The following PABIR1 variants were observed in gnomAD, a reference collection of about 807,000 sequenced individuals.
The protein encoded by PABIR1 is PP2A Aalpha (PPP2R1A) and B55A (PPP2R2A) interacting phosphatase regulator 1.
Under a neutral mutation model 14.6 loss-of-function variants are expected in PABIR1, and 2 were observed. That is an observed-to-expected ratio of 0.14 (90% confidence interval 0.06 to 0.43). The LOEUF (loss-of-function observed/expected upper bound fraction) is 0.43. PABIR1 is among the 20% of genes least tolerant of loss of function. PABIR1 has a pLI of 0.99. For missense variants in PABIR1, 294 were observed against 379.0 expected (o/e 0.78, Z 1.86); for synonymous variants, 163 against 155.4 (o/e 1.05, Z -0.36).
At position 68,780,882 on chromosome 9, in the gene PABIR1, T is replaced by C. The variant is rs1831226733; in HGVS notation, c.718T>C (p.Ser240Pro). ...GCTGTCAGATCCTGGTGTGTGTGTATCTTCGGATACCCTTGATGGAAACAG... is the reference window on the plus strand; with the variant it reads ...GCTGTCAGATCCTGGTGTGTGTGTACCTTCGGATACCCTTGATGGAAACAG... ...AQLSDPGVCV[S>P]SDTLDGNSSS... Residue 240 changes from serine (S) to proline (P), a missense_variant, in exon 1 of 1, where the codon TCT (serine) becomes CCT (proline). By Grantham distance (74) the Ser-to-Pro change is moderately conservative. This residue lies in a region of PABIR1 where 95 missense variants were observed against 100.8 expected (regional missense o/e 0.94). Transcript: ENST00000394264. 2 of 1,614,248 alleles carry C rather than the reference T, an allele frequency of 1.2e-6. No individual in the cohort carries two copies. The highest frequency in any genetic ancestry group is 4.5e-5 in the East Asian group (2 of 44,884).
In PABIR1 at chr9:68,781,069, G is replaced by T; in HGVS notation, c.*41G>T. 1.3e-6 allele frequency: 2 copies of T among 1,573,654 alleles called. No homozygotes were observed. Among genetic ancestry groups the T allele is most frequent in the South Asian group, 1.2e-5 (1 of 84,584 alleles). On this transcript the variant is annotated 3_prime_UTR_variant, in exon 1 of 1. Transcript: ENST00000394264. The stretch of plus-strand genomic sequence containing the variant: ...ACTTTCTTTTTGCAGTGGAGAGAGA[G>T]AATAATCTAGTTGGGGCAAACACTG...
rs1831302557 is a variant in PABIR1, at chr9:68,781,826, C to G, written c.*798C>G. 1 of 166,676 alleles carries G rather than the reference C, an allele frequency of 6.0e-6. No individual in the cohort carries two copies. The highest frequency in any genetic ancestry group is 2.4e-5 in the African/African-American group (1 of 41,296). 10.3% of individuals were successfully genotyped at this position (166,676 alleles called of 1,614,324 possible). On this transcript the variant is annotated 3_prime_UTR_variant, in exon 1 of 1. Coordinates refer to ENST00000394264, the MANE Select transcript of PABIR1 (RefSeq NM_138333.5). ...GGGACAGTGCCTTGCAGTCTTTGCCCACTATACATAGGCTAAGGCTAAGCT... is the reference window on the plus strand; with the variant it reads ...GGGACAGTGCCTTGCAGTCTTTGCCGACTATACATAGGCTAAGGCTAAGCT...
chr9:68,780,099 T>A lies in PABIR1; in HGVS notation c.-66T>A. On this transcript the variant is annotated 5_prime_UTR_variant, in exon 1 of 1. Coordinates refer to ENST00000394264, the MANE Select transcript of PABIR1 (RefSeq NM_138333.5). ...GTGGCGGCGGCAGCGGCGGCGGCCCTGGACTGCGGGGAATGGGAATCCTAG... is the reference window on the plus strand; with the variant it reads ...GTGGCGGCGGCAGCGGCGGCGGCCCAGGACTGCGGGGAATGGGAATCCTAG... 1 of 1,463,068 alleles carries A rather than the reference T, an allele frequency of 6.8e-7. No individual in the cohort carries two copies. Among genetic ancestry groups the A allele is most frequent in the Non-Finnish European group, 9.0e-7 (1 of 1,112,368 alleles). The allele number at this position is 1,463,068 out of a possible 1,614,324, so 90.6% of individuals were successfully genotyped here. A position where few individuals can be genotyped will look rare whatever the true frequency, so the allele number is the denominator to read the frequency against.
At position 68,783,739 on chromosome 9, in the gene PABIR1, C is replaced by T. The variant is rs904800073; in HGVS notation, c.*2711C>T. 1.8e-4 allele frequency: 30 copies of T among 167,086 alleles called. No individual in the cohort carries two copies. The highest frequency in any genetic ancestry group is 8.5e-4 in the Admixed American group (13 of 15,294). The allele number at this position is 167,086 out of a possible 1,614,324, so 10.4% of individuals were successfully genotyped here. On this transcript the variant is annotated 3_prime_UTR_variant, in exon 1 of 1. Coordinates refer to ENST00000394264, the MANE Select transcript of PABIR1 (RefSeq NM_138333.5). ...TCTGATCCAGGCTACCAGCATTTCC[C>T]TCTTAGGCTTCTGAAGCAACTTCCT...
At position 68,780,072 on chromosome 9, in the gene PABIR1, C is replaced by G; in HGVS notation, c.-93C>G. The G allele has an allele frequency of 2.8e-6, 4 of 1,424,206 alleles. No homozygotes were observed. Among genetic ancestry groups the G allele is most frequent in the South Asian group, 1.6e-5 (1 of 61,880 alleles). 88.2% of individuals were successfully genotyped at this position (1,424,206 alleles called of 1,614,324 possible). ...AGGGGCCAGCCCGCTGACAGATTCTCGGTGGCGGCGGCAGCGGCGGCGGCC... is the reference window on the plus strand; with the variant it reads ...AGGGGCCAGCCCGCTGACAGATTCTGGGTGGCGGCGGCAGCGGCGGCGGCC... On this transcript the variant is annotated 5_prime_UTR_variant, in exon 1 of 1. Transcript: ENST00000394264.
In PABIR1 at chr9:68,782,440, T is replaced by C. The variant is rs1395706432; in HGVS notation, c.*1412T>C. ...AATTTTTTTATATTATGCATCCTTA[T>C]ACCTCACATATCTTCCTTAACTAGA... On this transcript the variant is annotated 3_prime_UTR_variant, in exon 1 of 1. Transcript: ENST00000394264. 1 of 166,956 alleles carries C rather than the reference T, an allele frequency of 6.0e-6. No individual in the cohort carries two copies. Among genetic ancestry groups the C allele is most frequent in the East Asian group, 1.9e-4 (1 of 5,206 alleles). 10.3% of individuals were successfully genotyped at this position (166,956 alleles called of 1,614,324 possible).
At position 68,780,987 on chromosome 9, in the gene PABIR1, G is replaced by A; in HGVS notation, c.823G>A (p.Ala275Thr). 4 of 1,614,102 alleles carry A rather than the reference G, an allele frequency of 2.5e-6. No individual in the cohort carries two copies. Among genetic ancestry groups the A allele is most frequent in the Non-Finnish European group, 3.4e-6 (4 of 1,179,978 alleles). Residue 275 changes from alanine to threonine, a missense_variant, in exon 1 of 1, where the codon GCT becomes ACT. Ala to Thr is a moderately conservative substitution (Grantham distance 58). This residue lies in a region of PABIR1 where 95 missense variants were observed against 100.8 expected (regional missense o/e 0.94). Transcript: ENST00000394264. Reference sequence around the variant, plus strand: ...CTCTCCTGTGTCACCTGCCCAAGCGGCTTCTCCATTTATTCCACTAGATGA... The same window carrying A: ...CTCTCCTGTGTCACCTGCCCAAGCGACTTCTCCATTTATTCCACTAGATGA... ...TDSPVSPAQA[A>T]SPFIPLDELS...
rs1203279311 is a variant in PABIR1, at chr9:68,783,075, A to G, written c.*2047A>G. ...CCTGTCTTCTGTCTCCTTTTGGTTC[A>G]GTCTTTATACTGCCTCTTGAGTAAT... On this transcript the variant is annotated 3_prime_UTR_variant, in exon 1 of 1. Coordinates refer to ENST00000394264, the MANE Select transcript of PABIR1 (RefSeq NM_138333.5). The G allele has an allele frequency of 6.0e-6, 1 of 166,976 alleles. No homozygotes were observed. The highest frequency in any genetic ancestry group is 1.5e-5 in the Non-Finnish European group (1 of 68,116). 10.3% of individuals were successfully genotyped at this position (166,976 alleles called of 1,614,324 possible).
rs1224010990 is a variant in PABIR1 at position 68,780,185 on chromosome 9, G to A, written c.21G>A (p.Glu7=). 2 of 1,533,128 alleles carry A rather than the reference G, an allele frequency of 1.3e-6. No individual in the cohort carries two copies. The highest frequency in any genetic ancestry group is 8.7e-7 in the Non-Finnish European group (1 of 1,146,916). 95.0% of individuals were successfully genotyped at this position (1,533,128 alleles called of 1,614,324 possible). Residue 7 remains glutamate, a synonymous_variant, in exon 1 of 1, where the codon GAG becomes GAA. Transcript: ENST00000394264. The stretch of plus-strand genomic sequence containing the variant: ...CCGACATGGCTCAGGAGAAGATGGA[G>A]CTAGACCTGGAGCTGCCTCCGGGTA... MAQEKM[E]LDLELPPGTG...
rs1257808888 is a variant in PABIR1, at chr9:68,780,170, T to C, written c.6T>C (p.Ala2=). The C allele has an allele frequency of 6.6e-7, 1 of 1,519,804 alleles. No individual in the cohort carries two copies. The highest frequency in any genetic ancestry group is 1.3e-5 in the South Asian group (1 of 75,422). 94.1% of individuals were successfully genotyped at this position (1,519,804 alleles called of 1,614,324 possible). A position where few individuals can be genotyped will look rare whatever the true frequency, so the allele number is the denominator to read the frequency against. ...CCCGCCTCCCTGCCCCCGACATGGCTCAGGAGAAGATGGAGCTAGACCTGG... is the reference window on the plus strand; with the variant it reads ...CCCGCCTCCCTGCCCCCGACATGGCCCAGGAGAAGATGGAGCTAGACCTGG... M[A]QEKMELDLEL... Residue 2 remains alanine, a synonymous_variant, in exon 1 of 1, where the codon GCT becomes GCC. Transcript: ENST00000394264.
Position 68,784,682 on chromosome 9 carries a change from G to A in PABIR1, c.*3654G>A, listed in dbSNP as rs1162660203. ...ACAATTTTGAAGATCTAACAGAGGT[G>A]GGAGTCAGGGGAATGGTTGCCAGAC... On this transcript the variant is annotated 3_prime_UTR_variant, in exon 1 of 1. Transcript: ENST00000394264. The A allele has an allele frequency of 6.1e-6, 1 of 162,992 alleles. No individual in the cohort carries two copies. Among genetic ancestry groups the A allele is most frequent in the African/African-American group, 2.4e-5 (1 of 41,428 alleles). The allele number at this position is 162,992 out of a possible 1,614,324, so 10.1% of individuals were successfully genotyped here.
Position 68,781,829 on chromosome 9 carries a change from T to C in PABIR1, c.*801T>C, listed in dbSNP as rs1373178645. ...ACAGTGCCTTGCAGTCTTTGCCCACTATACATAGGCTAAGGCTAAGCTCTT... is the reference window on the plus strand; with the variant it reads ...ACAGTGCCTTGCAGTCTTTGCCCACCATACATAGGCTAAGGCTAAGCTCTT... On this transcript the variant is annotated 3_prime_UTR_variant, in exon 1 of 1. Transcript: ENST00000394264. 1 of 167,028 alleles carries C rather than the reference T, an allele frequency of 6.0e-6. No homozygotes were observed. Among genetic ancestry groups the C allele is most frequent in the African/African-American group, 2.4e-5 (1 of 41,432 alleles). The allele number at this position is 167,028 out of a possible 1,614,324, so 10.3% of individuals were successfully genotyped here.
chr9:68,781,530 T>A lies in PABIR1; in HGVS notation c.*502T>A, dbSNP rs1831277853. The A allele has an allele frequency of 6.0e-6, 1 of 167,180 alleles. No homozygotes were observed. The highest frequency in any genetic ancestry group is 2.4e-5 in the African/African-American group (1 of 41,454). 10.4% of individuals were successfully genotyped at this position (167,180 alleles called of 1,614,324 possible). ...TAGTTATATCTATCTAGTGGTTGTC[T>A]GTTTTACCCAGGAATTCTTGGATAT... is the stretch of plus-strand genomic sequence containing the variant. On this transcript the variant is annotated 3_prime_UTR_variant, in exon 1 of 1. Transcript: ENST00000394264.
Position 68,780,175 on chromosome 9 carries a change from A to G in PABIR1, c.11A>G (p.Glu4Gly). The change falls in exon 1 of 1, where the codon GAG becomes GGG. Residue 4 changes from glutamate (E) to glycine (G), a missense_variant. Glu to Gly is a moderately conservative substitution (Grantham distance 98, BLOSUM62 -2). Transcript: ENST00000394264. MAQ[E>G]KMELDLELPP... ...CTCCCTGCCCCCGACATGGCTCAGGAGAAGATGGAGCTAGACCTGGAGCTG... is the reference window on the plus strand; with the variant it reads ...CTCCCTGCCCCCGACATGGCTCAGGGGAAGATGGAGCTAGACCTGGAGCTG... 6.6e-7 allele frequency: 1 copy of G among 1,524,382 alleles called. No individual in the cohort carries two copies. Among genetic ancestry groups the G allele is most frequent in the Non-Finnish European group, 8.8e-7 (1 of 1,142,084 alleles). 94.4% of individuals were successfully genotyped at this position (1,524,382 alleles called of 1,614,324 possible). A position where few individuals can be genotyped will look rare whatever the true frequency, so the allele number is the denominator to read the frequency against.
chr9:68,780,107 G>A lies in PABIR1; in HGVS notation c.-58G>A, dbSNP rs1831161691. 1 of 1,477,264 alleles carries A rather than the reference G, an allele frequency of 6.8e-7. No individual in the cohort carries two copies. The highest frequency in any genetic ancestry group is 8.9e-7 in the Non-Finnish European group (1 of 1,119,690). 91.5% of individuals were successfully genotyped at this position (1,477,264 alleles called of 1,614,324 possible). A position where few individuals can be genotyped will look rare whatever the true frequency, so the allele number is the denominator to read the frequency against. ...GGCAGCGGCGGCGGCCCTGGACTGCGGGGAATGGGAATCCTAGGTCCCTGA... is the reference window on the plus strand; with the variant it reads ...GGCAGCGGCGGCGGCCCTGGACTGCAGGGAATGGGAATCCTAGGTCCCTGA... On this transcript the variant is annotated 5_prime_UTR_variant, in exon 1 of 1. Coordinates refer to ENST00000394264, the MANE Select transcript of PABIR1 (RefSeq NM_138333.5).
rs545242190 is a variant in PABIR1, at chr9:68,782,294, A to G, written c.*1266A>G. On this transcript the variant is annotated 3_prime_UTR_variant, in exon 1 of 1. Coordinates refer to ENST00000394264, the MANE Select transcript of PABIR1 (RefSeq NM_138333.5). ...AAGGGGTGATGATTTGCAAGAGAAAATTAGTGGAGAGTCACATAGGTAAAT... is the reference window on the plus strand; with the variant it reads ...AAGGGGTGATGATTTGCAAGAGAAAGTTAGTGGAGAGTCACATAGGTAAAT... 6 of 167,230 alleles carry G rather than the reference A, an allele frequency of 3.6e-5. No homozygotes were observed. The East Asian group carries it at 1.2e-3, about 32-fold the overall frequency. The allele number at this position is 167,230 out of a possible 1,614,324, so 10.4% of individuals were successfully genotyped here.
rs531450383 is a variant in PABIR1 at position 68,783,325 on chromosome 9, T to C, written c.*2297T>C. 11 of 167,004 alleles carry C rather than the reference T, an allele frequency of 6.6e-5. No homozygotes were observed. The East Asian group carries it at 2.1e-3, about 32-fold the overall frequency. 10.3% of individuals were successfully genotyped at this position (167,004 alleles called of 1,614,324 possible). On this transcript the variant is annotated 3_prime_UTR_variant, in exon 1 of 1. Coordinates refer to ENST00000394264, the MANE Select transcript of PABIR1 (RefSeq NM_138333.5). ...TAGACCACTTGATATTCTTTAAATA[T>C]GTCATGTACTTTTCTTGTGTCTGTT... is the stretch of plus-strand genomic sequence containing the variant.
chr9:68,784,525 G>C lies in PABIR1; in HGVS notation c.*3497G>C, dbSNP rs1318825288. The C allele has an allele frequency of 6.0e-6, 1 of 166,646 alleles. No homozygotes were observed. Among genetic ancestry groups the C allele is most frequent in the African/African-American group, 2.4e-5 (1 of 41,440 alleles). The allele number at this position is 166,646 out of a possible 1,614,324, so 10.3% of individuals were successfully genotyped here. ...GCCTTCCAGTGATTCACATTTATTA[G>C]TTCAACCAGTTACATACCTGTAGCA... On this transcript the variant is annotated 3_prime_UTR_variant, in exon 1 of 1. Coordinates refer to ENST00000394264, the MANE Select transcript of PABIR1 (RefSeq NM_138333.5).
chr9:68,780,878 T>C lies in PABIR1; in HGVS notation c.714T>C (p.Cys238=). 1.2e-6 allele frequency: 2 copies of C among 1,614,254 alleles called. No individual in the cohort carries two copies. The highest frequency in any genetic ancestry group is 8.5e-7 in the Non-Finnish European group (1 of 1,180,042). ...CACAGCTGTCAGATCCTGGTGTGTG[T>C]GTATCTTCGGATACCCTTGATGGAA... ...DVAQLSDPGV[C]VSSDTLDGNS... The change falls in exon 1 of 1, where the codon TGT becomes TGC. Residue 238 remains cysteine (C), a synonymous_variant. Coordinates refer to ENST00000394264, the MANE Select transcript of PABIR1 (RefSeq NM_138333.5).
Sources: gnomAD v4.1 joint callset for allele counts on GRCh38, gnomAD v4.1.1 for gene constraint, gnomAD v4.1.1 regional missense constraint, MANE v1.5 for transcripts, NCBI Gene and HGNC (gene_info 2026-07-23, HGNC 2026-07-21) for gene names.